The following EHD3 variants were observed in gnomAD, a reference collection of about 807,000 sequenced individuals.
EHD3 encodes the protein EH domain-containing protein 3.
Under a neutral mutation model 43.0 loss-of-function variants are expected in EHD3, and 17 were observed. The observed-to-expected ratio is 0.40, with a 90% CI of 0.27 to 0.59. EHD3 has a LOEUF of 0.59. Ranked by LOEUF, EHD3 falls within the 20% of genes least tolerant of loss-of-function variation. The probability of loss-of-function intolerance (pLI) is 0.49; values close to 1 mark genes in which losing one functional copy is unlikely to be tolerated. For missense variants in EHD3, 594 were observed against 705.6 expected, an observed-to-expected ratio of 0.84 and a Z score of 1.79; for synonymous variants, 313 against 289.5, an observed-to-expected ratio of 1.08 and a Z score of -0.82.
intron 1 of EHD3, among the ~76,000 whole-genome samples, chr2:31,236,144 T>C (rs1683319965): frequency 6.6e-6 from 1 of 152,212 alleles, no homozygotes; most frequent in African/African-American, 2.4e-5. Flanking sequence ...ACATCCACCT[T>C]GTAACGCCAG....
At chr2:31,264,533 C>CTTCTT (rs747044772) in intron 5 of EHD3, among the ~76,000 whole-genome samples, 1 of 114,174 alleles carries the variant, frequency 8.8e-6, no homozygotes, top group African/African-American at 3.5e-5. Context: ...ACTTTACAGA[C>CTTCTT]TTTTTTTTTT....
At position 31,266,781 on chromosome 2, in the gene EHD3, C is replaced by A. The variant is rs1462057572; in HGVS notation, c.*77C>A. On this transcript the variant is annotated 3_prime_UTR_variant, in exon 6 of 6. Coordinates refer to ENST00000322054, the MANE Select transcript of EHD3 (RefSeq NM_014600.3). This position sits in a 1 kb window ranked among gnomAD's most constrained non-coding sequence, Gnocchi z 5.1. ...GTGACTACACACACACACACACACA[C>A]ACACACACACACAAACATGCACACA... is the stretch of plus-strand genomic sequence containing the variant. 1 of 1,389,916 alleles carries A rather than the reference C, an allele frequency of 7.2e-7. No individual in the cohort carries two copies. Among genetic ancestry groups the A allele is most frequent in the Non-Finnish European group, 9.7e-7 (1 of 1,026,498 alleles). The allele number at this position is 1,389,916 out of a possible 1,614,324, so 86.1% of individuals were successfully genotyped here.
At chr2:31,253,566 GC>G (rs1683681976) in intron 3 of EHD3, among the ~76,000 whole-genome samples, 1 of 152,186 alleles carries the variant, frequency 6.6e-6, no homozygotes, top group Admixed American at 6.5e-5. Flanking sequence ...CGGCACAGAG[GC>G]CCCTACTGGC....
At chr2:31,265,959 G>GA (rs1352671328) in intron 5 of EHD3, among the ~76,000 whole-genome samples, 4 of 152,130 alleles carry the variant, frequency 2.6e-5, no homozygotes, top group South Asian at 2.1e-4. Context: ...ACCCCCTACT[G>GA]AAAAATCCCA....
At chr2:31,255,693 C>T (rs1209617581) in intron 3 of EHD3, among the ~76,000 whole-genome samples, 1 of 152,168 alleles carries the variant, frequency 6.6e-6, no homozygotes, top group Non-Finnish European at 1.5e-5. Flanking sequence ...AGCTTCAGAG[C>T]AACCCATGGA....
rs139211297 is a variant in EHD3 at position 31,263,855 on chromosome 2, C to T, written c.1080+2142C>T. Among the ~76,000 whole-genome samples the T allele has an allele frequency of 3.3e-5, 5 of 152,338 alleles. No individual in the cohort carries two copies. In the East Asian group the frequency reaches 9.6e-4, roughly 29 times the overall value. On this transcript the variant is annotated intron_variant, in intron 5 of 5. Transcript: ENST00000322054. Reference sequence around the variant, plus strand: ...AGCAGAAAGCTGTCACCCTATCACCCTCTACAGGCCATGGAGAAGTTGGTG... The same window carrying T: ...AGCAGAAAGCTGTCACCCTATCACCTTCTACAGGCCATGGAGAAGTTGGTG...
intron 1 of EHD3, among the ~76,000 whole-genome samples, chr2:31,242,152 C>T (rs921856806): frequency 6.6e-6 from 1 of 152,228 alleles, no homozygotes; most frequent in Non-Finnish European, 1.5e-5. Flanking sequence ...AGTAAATTCA[C>T]AGCTCAGAAC....
chr2:31,237,724 C>G (rs937283751), intron 1 of EHD3, among the ~76,000 whole-genome samples: 1 of 152,208 alleles, frequency 6.6e-6, no homozygotes, highest in African/African-American at 2.4e-5. Flanking sequence ...TTACTTATAG[C>G]ATGAACATTT....
rs1683286717 is a variant in EHD3, at chr2:31,234,584, C to G, written c.-38C>G. 6.2e-7 allele frequency: 1 copy of G among 1,608,380 alleles called. No individual in the cohort carries two copies. The highest frequency in any genetic ancestry group is 1.7e-5 in the Admixed American group (1 of 59,964). ...ACATCTTCCCCTGAGGAGGAGTCTT[C>G]CCCTGGGGCTGCGTGCCGGGGGCGA... On this transcript the variant is annotated 5_prime_UTR_variant, in exon 1 of 6. Coordinates refer to ENST00000322054, the MANE Select transcript of EHD3 (RefSeq NM_014600.3).
chr2:31,261,592 C>G lies in EHD3; in HGVS notation c.959C>G (p.Ser320Trp). The G allele has an allele frequency of 6.2e-7, 1 of 1,614,180 alleles. No individual in the cohort carries two copies. The highest frequency in any genetic ancestry group is 1.1e-5 in the South Asian group (1 of 91,084). ...AGCTCTCTGAAGAAGGAGATGCCCTCGGTGTTCGGGAAGGACAACAAGAAG... is the reference window on the plus strand; with the variant it reads ...AGCTCTCTGAAGAAGGAGATGCCCTGGGTGTTCGGGAAGGACAACAAGAAG... ...IISSLKKEMPSVFGKDNKKKE... is the reference protein window; with the variant it reads ...IISSLKKEMPWVFGKDNKKKE... Residue 320 changes from serine to tryptophan, a missense_variant, in exon 5 of 6, where the codon TCG becomes TGG. Physicochemically the swap from Ser to Trp is radical, Grantham distance 177. Transcript: ENST00000322054.
Position 31,266,403 on chromosome 2 carries a change from A to C in EHD3, c.1307A>C (p.Asp436Ala), listed in dbSNP as rs201410803. The C allele has an allele frequency of 3.7e-5, 59 of 1,613,934 alleles. No individual in the cohort carries two copies. The highest frequency in any genetic ancestry group is 4.9e-5 in the Non-Finnish European group (58 of 1,179,966). The change falls in exon 6 of 6, where the codon GAT becomes GCT. Residue 436 changes from aspartate (D) to alanine (A), a missense_variant. Around this residue, in one of 3 missense-constraint regions of EHD3, gnomAD observed 322 missense variants for 348.0 expected, o/e 0.93. Transcript: ENST00000322054. This position sits in a 1 kb window ranked among gnomAD's most constrained non-coding sequence, Gnocchi z 5.1. ...YGEGAGEGIDDAEWVVARDKP... is the reference protein window; with the variant it reads ...YGEGAGEGIDAAEWVVARDKP... ...GAGGGGGCTGGAGAAGGTATCGATG[A>C]TGCTGAGTGGGTGGTGGCCAGGGAC...
Position 31,260,825 on chromosome 2 carries a change from C to G in EHD3, c.818C>G (p.Ala273Gly). The change falls in exon 4 of 6, where the codon GCT becomes GGT. Residue 273 changes from alanine to glycine, a missense_variant. Coordinates refer to ENST00000322054, the MANE Select transcript of EHD3 (RefSeq NM_014600.3). The surrounding 1 kb of genome is among the most constrained non-coding windows in gnomAD (Gnocchi z 4.6). ...CCTGACAACCGGAAGCTCTTTGAGG[C>G]TGAGGAACAGGACCTATTCAGGGAC... ...LIPDNRKLFE[A>G]EEQDLFRDIQ... is the part of the protein sequence containing the mutation. 1 of 1,614,192 alleles carries G rather than the reference C, an allele frequency of 6.2e-7. No homozygotes were observed. Among genetic ancestry groups the G allele is most frequent in the Non-Finnish European group, 8.5e-7 (1 of 1,180,040 alleles).
At chr2:31,246,155 C>T (rs1227067884) in intron 2 of EHD3, among the ~76,000 whole-genome samples, 1 of 151,758 alleles carries the variant, frequency 6.6e-6, no homozygotes, top group Non-Finnish European at 1.5e-5. Context: ...ATGAGGAGGT[C>T]GTGGTGGTAA....
At position 31,234,903 on chromosome 2, in the gene EHD3, C is replaced by G. The variant is rs1683295124; in HGVS notation, c.227+55C>G. The G allele has an allele frequency of 2.6e-6, 4 of 1,540,686 alleles. No homozygotes were observed. In the South Asian group the frequency reaches 3.4e-5, roughly 13 times the overall value. ...CCCCGGAGCCCAGCGCCTAGTCCCT[C>G]CGGTCACTCCTGGTGCTCCATCCCA... On this transcript the variant is annotated intron_variant, in intron 1 of 5. Coordinates refer to ENST00000322054, the MANE Select transcript of EHD3 (RefSeq NM_014600.3).
rs1430801958 is a variant in EHD3, at chr2:31,260,725, T to G, written c.718T>G (p.Leu240Val). 1.1e-5 allele frequency: 18 copies of G among 1,614,198 alleles called. No homozygotes were observed. The highest frequency in any genetic ancestry group is 1.5e-5 in the Non-Finnish European group (18 of 1,180,032). Residue 240 changes from leucine to valine, a missense_variant, in exon 4 of 6, where the codon TTG becomes GTG. Around this residue, in one of 3 missense-constraint regions of EHD3, gnomAD observed 29 missense variants for 60.9 expected, o/e 0.48. Transcript: ENST00000322054. This position sits in a 1 kb window ranked among gnomAD's most constrained non-coding sequence, Gnocchi z 4.6. ...MRVYGALMWSLGKIVNTPEVI... is the reference protein window; with the variant it reads ...MRVYGALMWSVGKIVNTPEVI... ...GGTGTACGGGGCCCTCATGTGGTCC[T>G]TGGGGAAGATCGTGAACACCCCAGA...
rs1393335932 is a variant in EHD3 at position 31,266,258 on chromosome 2, C to T, written c.1162C>T (p.His388Tyr). ...LLEVVDDMLA[H>Y]DIAQLMVLVR... ...GGAGGTAGTGGACGACATGCTGGCC[C>T]ATGACATTGCCCAGCTCATGGTGCT... Residue 388 changes from histidine to tyrosine, a missense_variant, in exon 6 of 6, where the codon CAT (histidine) becomes TAT (tyrosine). Physicochemically the swap from His to Tyr is moderately conservative, Grantham distance 83. This residue lies in a region of EHD3 where 322 missense variants were observed against 348.0 expected (regional missense o/e 0.93). Transcript: ENST00000322054. The surrounding 1 kb of genome is among the most constrained non-coding windows in gnomAD (Gnocchi z 5.1). 1 of 1,614,196 alleles carries T rather than the reference C, an allele frequency of 6.2e-7. No homozygotes were observed. Among genetic ancestry groups the T allele is most frequent in the Non-Finnish European group, 8.5e-7 (1 of 1,180,046 alleles).
In EHD3 at chr2:31,234,500, G is replaced by T; in HGVS notation, c.-122G>T. ...CGTGCCCGGGCCATGGTGCGGCTGA[G>T]CCCCGCGCTTGGGTGAGGCGGCGGC... On this transcript the variant is annotated 5_prime_UTR_variant, in exon 1 of 6. Coordinates refer to ENST00000322054, the MANE Select transcript of EHD3 (RefSeq NM_014600.3). 1.7e-6 allele frequency: 2 copies of T among 1,151,906 alleles called. No individual in the cohort carries two copies. Among genetic ancestry groups the T allele is most frequent in the Non-Finnish European group, 2.5e-6 (2 of 812,980 alleles). The allele number at this position is 1,151,906 out of a possible 1,614,324, so 71.4% of individuals were successfully genotyped here.
At chr2:31,261,060 C>G in intron 4 of EHD3, 138 bp downstream of exon 4, 1 of 985,030 alleles carries the variant, frequency 1.0e-6, no homozygotes, top group Non-Finnish European at 1.5e-6. Flanking sequence ...GTGCGGGAGC[C>G]ATGGTTACAA....
intron 1 of EHD3, among the ~76,000 whole-genome samples, chr2:31,235,077 G>A (rs1384437594): frequency 6.6e-6 from 1 of 152,112 alleles, no homozygotes; most frequent in Admixed American, 6.5e-5. Flanking sequence ...TGGCTGTGGT[G>A]GTCAACCTGA....
Sources: gnomAD v4.1 joint callset for allele counts (sites outside exome capture counted in the v4.1 genomes callset) on GRCh38, gnomAD v4.1.1 for gene constraint, gnomAD v4.1.1 regional missense constraint, Gnocchi (gnomAD v3.1) non-coding constraint, MANE v1.5 for transcripts, NCBI Gene and HGNC (gene_info 2026-07-23, HGNC 2026-07-21) for gene names.